DPY19L2: variants seen among roughly 807,000 people sequenced by gnomAD.
DPY19L2 encodes probable C-mannosyltransferase DPY19L2.
DPY19L2 carries 34 observed loss-of-function variants against 97.9 expected under a neutral mutation model. The ratio of observed to expected loss-of-function variants is 0.35; its 90% CI spans 0.26 to 0.46. The LOEUF is 0.46. Among genes scored for constraint, DPY19L2 ranks in the 20% least tolerant of loss-of-function variants. DPY19L2 has a pLI of 1.00. For synonymous variants in DPY19L2, 230 were observed against 307.9 expected, an observed-to-expected ratio of 0.75 and a Z score of 2.65; for missense variants, 623 against 911.4, an observed-to-expected ratio of 0.68 and a Z score of 4.07.
chr12:63,645,176 CTT>C (rs1473846652), intron 5 of DPY19L2, among the ~76,000 whole-genome samples: 1 of 152,060 alleles, frequency 6.6e-6, no homozygotes, highest in Non-Finnish European at 1.5e-5. Flanking sequence ...TATAAACATA[CTT>C]TTCTTATGGT....
chr12:63,651,812 C>T, intron 4 of DPY19L2: 1 of 308,350 alleles, frequency 3.2e-6, no homozygotes, highest in Non-Finnish European at 6.5e-6. Flanking sequence ...TCCTTGACCG[C>T]ATGAAGAAAC....
At chr12:63,636,316 C>T (rs1404667058) in intron 6 of DPY19L2, among the ~76,000 whole-genome samples, 2 of 152,122 alleles carry the variant, frequency 1.3e-5, no homozygotes, top group Non-Finnish European at 2.9e-5. Context: ...CCAGCCACTG[C>T]AAAAACATGC....
rs1203846531 is a variant in DPY19L2, at chr12:63,639,193, G to A, written c.803+5210C>T. Among the ~76,000 whole-genome samples, 8 of 152,164 alleles carry A rather than the reference G, an allele frequency of 5.3e-5. No homozygotes were observed. In the South Asian group the frequency reaches 6.2e-4, roughly 12 times the overall value. On this transcript the variant is annotated intron_variant, in intron 6 of 21. Coordinates refer to ENST00000324472, the MANE Select transcript of DPY19L2 (RefSeq NM_173812.5). ...TGAATCCCTTTCTTACACCTTTTACGAAAATTAATTCAAGATGGATTAAAA... is the reference window on the plus strand; with the variant it reads ...TGAATCCCTTTCTTACACCTTTTACAAAAATTAATTCAAGATGGATTAAAA...
intron 15 of DPY19L2, among the ~76,000 whole-genome samples, chr12:63,594,645 TGC>T (rs1452806415): frequency 7.1e-5 from 9 of 127,058 alleles, no homozygotes; most frequent in African/African-American, 1.5e-4. Context: ...GACGTGTGTG[TGC>T]GTGTCTGTGT....
At chr12:63,638,206 T>A (rs1420422586) in intron 6 of DPY19L2, among the ~76,000 whole-genome samples, 2 of 152,080 alleles carry the variant, frequency 1.3e-5, no homozygotes, top group Non-Finnish European at 2.9e-5. Flanking sequence ...ATGGGATGTA[T>A]CTCAAAATAA....
intron 6 of DPY19L2, among the ~76,000 whole-genome samples, chr12:63,643,120 T>C (rs1892930266): frequency 6.6e-6 from 1 of 152,112 alleles, no homozygotes; most frequent in Non-Finnish European, 1.5e-5. Context: ...TCTAGTAACA[T>C]TGTAAATTTT....
chr12:63,589,101 T>C (rs976142801), intron 16 of DPY19L2, among the ~76,000 whole-genome samples: 19 of 151,772 alleles, frequency 1.3e-4, no homozygotes, highest in Middle Eastern at 3.2e-3. Context: ...ATACTAACAG[T>C]AAATGAAACA....
At chr12:63,640,737 A>G (rs901302495) in intron 6 of DPY19L2, among the ~76,000 whole-genome samples, 28 of 152,182 alleles carry the variant, frequency 1.8e-4, no homozygotes, top group African/African-American at 6.8e-4. Flanking sequence ...TAACCAATTT[A>G]GAGAGACTAG....
intron 11 of DPY19L2, among the ~76,000 whole-genome samples, chr12:63,609,262 T>C (rs1168564749): frequency 2.0e-5 from 3 of 152,026 alleles, no homozygotes; most frequent in Admixed American, 6.6e-5. Flanking sequence ...GAAGAGGCCT[T>C]GGGTCTATGC....
intron 15 of DPY19L2, among the ~76,000 whole-genome samples, chr12:63,594,792 A>G (rs1883923841): frequency 6.6e-6 from 1 of 152,210 alleles, no homozygotes; most frequent in East Asian, 1.9e-4. Flanking sequence ...GGATCTAGCT[A>G]TCAGTTTCTC....
intron 16 of DPY19L2, among the ~76,000 whole-genome samples, chr12:63,586,434 A>G (rs1277543001): frequency 6.6e-6 from 1 of 152,200 alleles, no homozygotes; most frequent in East Asian, 1.9e-4. Flanking sequence ...ACAACAATCT[A>G]GAAAGTAAAT....
At chr12:63,568,764 T>C (rs1257826929) in intron 21 of DPY19L2, among the ~76,000 whole-genome samples, 1 of 152,064 alleles carries the variant, frequency 6.6e-6, no homozygotes, top group African/African-American at 2.4e-5. Flanking sequence ...TTTTATGATT[T>C]TTAGAGATTC....
At chr12:63,647,208 A>G (rs751254014) in intron 5 of DPY19L2, 37 bp downstream of exon 5, 1 of 1,366,668 alleles carries the variant, frequency 7.3e-7, no homozygotes, top group Admixed American at 2.5e-5. Context: ...ATGTTTATGA[A>G]TGTTTACAAA....
At chr12:63,587,817 C>T (rs1265660359) in intron 16 of DPY19L2, among the ~76,000 whole-genome samples, 4 of 151,976 alleles carry the variant, frequency 2.6e-5, no homozygotes, top group Admixed American at 1.3e-4. Flanking sequence ...GTGATCCGCC[C>T]GCCTTGGCCT....
chr12:63,640,276 A>AC (rs1368841687), intron 6 of DPY19L2, among the ~76,000 whole-genome samples: 2 of 152,182 alleles, frequency 1.3e-5, no homozygotes, highest in Non-Finnish European at 2.9e-5. Context: ...GGTGCAGCAC[A>AC]CCAATATGGC....
At chr12:63,604,992 G>T (rs1176638605) in intron 12 of DPY19L2, among the ~76,000 whole-genome samples, 2 of 152,110 alleles carry the variant, frequency 1.3e-5, no homozygotes, top group Non-Finnish European at 2.9e-5. Flanking sequence ...CAGTCACTTT[G>T]TTTTTAGGTT....
intron 21 of DPY19L2, among the ~76,000 whole-genome samples, chr12:63,561,702 T>G (rs1487859722): frequency 6.6e-6 from 1 of 151,372 alleles, no homozygotes; most frequent in Non-Finnish European, 1.5e-5. Context: ...TTGAGATGTT[T>G]TGAGTTTTTG....
intron 20 of DPY19L2, among the ~76,000 whole-genome samples, chr12:63,569,941 C>T (rs1022809163): frequency 6.6e-5 from 10 of 152,120 alleles, no homozygotes; most frequent in Non-Finnish European, 1.5e-4. Context: ...TTGGATGTTG[C>T]TTAGAATTTC....
chr12:63,657,418 G>A (rs1471262044), intron 4 of DPY19L2, among the ~76,000 whole-genome samples: 1 of 152,146 alleles, frequency 6.6e-6, no homozygotes, highest in African/African-American at 2.4e-5. Context: ...GCTTGTTAAT[G>A]TAATGGGGGA....
Sources: gnomAD v4.1 joint callset for allele counts (sites outside exome capture counted in the v4.1 genomes callset) on GRCh38, gnomAD v4.1.1 for gene constraint, MANE v1.5 for transcripts, NCBI Gene and HGNC (gene_info 2026-07-23, HGNC 2026-07-21) for gene names.